Variants in KRT76 observed in about 807,000 individuals in gnomAD.
KRT76 encodes the protein keratin, type II cytoskeletal 2 oral.
Under a neutral mutation model 44.9 loss-of-function variants are expected in KRT76, and 47 were observed. The ratio of observed to expected loss-of-function variants is 1.05; its 90% confidence interval spans 0.83 to 1.33. KRT76 has a LOEUF of 1.33. KRT76 is among the 40% of genes most tolerant of loss of function. KRT76 has a pLI of 0.00. For missense variants in KRT76, 860 were observed against 775.8 expected, an observed-to-expected ratio of 1.11 and a Z score of -1.29; for synonymous variants, 331 against 294.1, an observed-to-expected ratio of 1.13 and a Z score of -1.28.
rs148675815 is a variant in KRT76 at position 52,776,995 on chromosome 12, C to T, written c.297G>A (p.Gly99=). 29 of 1,613,936 alleles carry T rather than the reference C, an allele frequency of 1.8e-5. No individual in the cohort carries two copies. The Middle Eastern group carries it at 6.6e-4, about 37-fold the overall frequency. ...CACCAAAGCCACCACCATAGCTGCCCCCAAAGCCACCTCCATAGCCACCTG... is the reference window on the plus strand; with the variant it reads ...CACCAAAGCCACCACCATAGCTGCCTCCAAAGCCACCTCCATAGCCACCTG... ...GFAGGYGGGF[G]GSYGGGFGGG... Residue 99 remains glycine, a synonymous_variant, in exon 1 of 9, where the codon GGG becomes GGA. Coordinates refer to ENST00000332411, the MANE Select transcript of KRT76 (RefSeq NM_015848.4).
At chr12:52,771,721 TG>T in intron 6 of KRT76, 149 bp downstream of exon 6, 1 of 971,514 alleles carries the variant, frequency 1.0e-6, no homozygotes, top group Non-Finnish European at 1.5e-6. Flanking sequence ...CAAAAACATC[TG>T]GGAGAACAGA....
chr12:52,772,291 C>T (rs757604917), intron 4 of KRT76, 33 bp from the exon 5 acceptor site: 36 of 1,559,754 alleles, frequency 2.3e-5, no homozygotes, highest in Middle Eastern at 1.7e-4. Flanking sequence ...CTCTTACCAT[C>T]GCCTGGACCA....
rs562799093 is a variant in KRT76 at position 52,772,867 on chromosome 12, C to T, written c.888G>A (p.Ala296=). 39 of 1,613,824 alleles carry T rather than the reference C, an allele frequency of 2.4e-5. No homozygotes were observed. The African/African-American group carries it at 2.7e-4, about 11-fold the overall frequency. The part of the protein sequence containing the change: ...EFVGLKKDVD[A]AFMNKVELQA... Reference sequence around the variant, plus strand: ...GCAGCTCCACCTTGTTCATGAAAGCCGCATCCACATCCTGCAGAGGAGGTC... The same window carrying T: ...GCAGCTCCACCTTGTTCATGAAAGCTGCATCCACATCCTGCAGAGGAGGTC... The change falls in exon 4 of 9, where the codon GCG becomes GCA. Residue 296 remains alanine, a synonymous_variant. Coordinates refer to ENST00000332411, the MANE Select transcript of KRT76 (RefSeq NM_015848.4).
In KRT76 at chr12:52,775,617, G is replaced by A. The variant is rs1565673335; in HGVS notation, c.601-15C>T. 1 of 1,608,674 alleles carries A rather than the reference G, an allele frequency of 6.2e-7. No homozygotes were observed. Among genetic ancestry groups the A allele is most frequent in the Admixed American group, 1.7e-5 (1 of 59,844 alleles). On this transcript the variant is annotated splice_polypyrimidine_tract_variant and intron_variant, in intron 1 of 8. Coordinates refer to ENST00000332411, the MANE Select transcript of KRT76 (RefSeq NM_015848.4). ...AGGAACCGCACCTGCATGAAAGAGG[G>A]GAGAAAAGGAGTCAGCCCCTTGAGT...
chr12:52,774,137 T>C (rs1456693429), intron 2 of KRT76, among the ~76,000 whole-genome samples: 1 of 152,234 alleles, frequency 6.6e-6, no homozygotes, highest in African/African-American at 2.4e-5. Context: ...AATAATTTTG[T>C]AACTAGGTTC....
In KRT76 at chr12:52,773,606, C is replaced by T. The variant is rs148390412; in HGVS notation, c.852G>A (p.Glu284=). Residue 284 remains glutamate, a synonymous_variant, in exon 3 of 9, where the codon GAG becomes GAA. Coordinates refer to ENST00000332411, the MANE Select transcript of KRT76 (RefSeq NM_015848.4). ...CCTTCTTGAGCCCCACAAACTCATTCTCTGCGGCAGTGCGTTTGTTGATTT... is the reference window on the plus strand; with the variant it reads ...CCTTCTTGAGCCCCACAAACTCATTTTCTGCGGCAGTGCGTTTGTTGATTT... The part of the protein sequence containing the change: ...EDEINKRTAA[E]NEFVGLKKDV... 2.5e-5 allele frequency: 40 copies of T among 1,613,392 alleles called. No individual in the cohort carries two copies. The highest frequency in any genetic ancestry group is 3.4e-5 in the Non-Finnish European group (40 of 1,179,558).
Position 52,777,259 on chromosome 12 carries a change from A to G in KRT76, c.33T>C (p.Ser11=), listed in dbSNP as rs547942621. 6.2e-6 allele frequency: 10 copies of G among 1,614,226 alleles called. No homozygotes were observed. In the South Asian group the frequency reaches 7.7e-5, roughly 12 times the overall value. The change falls in exon 1 of 9, where the codon AGT becomes AGC. Residue 11 remains serine, a synonymous_variant. Transcript: ENST00000332411. ...GGCCAGAGAAACCCTGGCTCCTGCC[A>G]CTGAAGGATTTCTTGCAAACTTGTC... is the stretch of plus-strand genomic sequence containing the variant. MNRQVCKKSF[S]GRSQGFSGRS...
chr12:52,777,317 G>A lies in KRT76; in HGVS notation c.-26C>T, dbSNP rs760442384. The A allele has an allele frequency of 8.7e-6, 14 of 1,613,064 alleles. No homozygotes were observed. In the South Asian group the frequency reaches 1.5e-4, roughly 18 times the overall value. ...AGTGAGAGAGCTTGGAGGCAAGCTAGTGATCACTTAGCAAGAGCTGAGAGG... is the reference window on the plus strand; with the variant it reads ...AGTGAGAGAGCTTGGAGGCAAGCTAATGATCACTTAGCAAGAGCTGAGAGG... On this transcript the variant is annotated 5_prime_UTR_variant, in exon 1 of 9. Transcript: ENST00000332411.
At chr12:52,772,036 T>C in intron 5 of KRT76, 40 bp from the exon 6 acceptor site, 1 of 1,610,140 alleles carries the variant, frequency 6.2e-7, no homozygotes, top group Non-Finnish European at 8.5e-7. Flanking sequence ...TTTTGCAAAG[T>C]GTTGGCACAT....
Position 52,768,165 on chromosome 12 carries a change from T to A in KRT76, c.*548A>T, listed in dbSNP as rs1384160198. 1 of 153,084 alleles carries A rather than the reference T, an allele frequency of 6.5e-6. No homozygotes were observed. The highest frequency in any genetic ancestry group is 1.5e-5 in the Non-Finnish European group (1 of 68,382). The allele number at this position is 153,084 out of a possible 1,614,324, so 9.5% of individuals were successfully genotyped here. A position where few individuals can be genotyped will look rare whatever the true frequency, so the allele number is the denominator to read the frequency against. On this transcript the variant is annotated 3_prime_UTR_variant, in exon 9 of 9. Coordinates refer to ENST00000332411, the MANE Select transcript of KRT76 (RefSeq NM_015848.4). ...ACCAACACCAGAATGTGAAGTTCAG[T>A]GCAATTTATTGAGAAAAGAAAGTGC...
Position 52,774,693 on chromosome 12 carries a change from C to A in KRT76, c.815+695G>T, listed in dbSNP as rs1001286085. On this transcript the variant is annotated intron_variant, in intron 2 of 8. Coordinates refer to ENST00000332411, the MANE Select transcript of KRT76 (RefSeq NM_015848.4). ...TGAATTCCCAGAGCCCAGCACAGAG[C>A]CTGCCACAGAGTGGGTGCCCACCAC... Among the ~76,000 whole-genome samples, 5 of 152,156 alleles carry A rather than the reference C, an allele frequency of 3.3e-5. No homozygotes were observed. The South Asian group carries it at 1.0e-3, about 32-fold the overall frequency.
chr12:52,777,115 G>A lies in KRT76; in HGVS notation c.177C>T (p.Tyr59=). The A allele has an allele frequency of 6.2e-7, 1 of 1,614,226 alleles. No homozygotes were observed. Among genetic ancestry groups the A allele is most frequent in the Non-Finnish European group, 8.5e-7 (1 of 1,180,050 alleles). Residue 59 remains tyrosine, a synonymous_variant, in exon 1 of 9, where the codon TAC becomes TAT. Coordinates refer to ENST00000332411, the MANE Select transcript of KRT76 (RefSeq NM_015848.4). The part of the protein sequence containing the change: ...GAGSFGSRSL[Y]NLGSNKSISI... ...AGATGCTCTTGTTGCTGCCCAGGTTGTAGAGGCTGCGACTGCCAAAGCTGC... is the reference window on the plus strand; with the variant it reads ...AGATGCTCTTGTTGCTGCCCAGGTTATAGAGGCTGCGACTGCCAAAGCTGC...
chr12:52,773,025 A>G (rs1288978927), intron 3 of KRT76, 147 bp from the exon 4 acceptor site: 4 of 607,076 alleles, frequency 6.6e-6, no homozygotes, highest in Non-Finnish European at 1.2e-5. Context: ...AAAATAAGGA[A>G]GATCAAAATG....
chr12:52,774,507 T>A (rs941031296), intron 2 of KRT76, among the ~76,000 whole-genome samples: 2 of 152,246 alleles, frequency 1.3e-5, no homozygotes, highest in African/African-American at 4.8e-5. Flanking sequence ...TTCCTGCCTG[T>A]TAAGGACTAA....
At position 52,772,868 on chromosome 12, in the gene KRT76, G is replaced by T. The variant is rs771208701; in HGVS notation, c.887C>A (p.Ala296Glu). 3 of 1,613,534 alleles carry T rather than the reference G, an allele frequency of 1.9e-6. No homozygotes were observed. The highest frequency in any genetic ancestry group is 1.1e-5 in the South Asian group (1 of 91,064). ...EFVGLKKDVD[A>E]AFMNKVELQA... ...CAGCTCCACCTTGTTCATGAAAGCC[G>T]CATCCACATCCTGCAGAGGAGGTCA... Residue 296 changes from alanine to glutamate, a missense_variant, in exon 4 of 9, where the codon GCG (alanine) becomes GAG (glutamate). Transcript: ENST00000332411.
At position 52,772,223 on chromosome 12, in the gene KRT76, C is replaced by T. The variant is rs745778936; in HGVS notation, c.1008G>A (p.Thr336=). 24 of 1,609,192 alleles carry T rather than the reference C, an allele frequency of 1.5e-5. No individual in the cohort carries two copies. Among genetic ancestry groups the T allele is most frequent in the South Asian group, 1.1e-4 (10 of 89,954 alleles). ...LSQMQSHASD[T]SVVLSMDNNR... ...TGTTGTCCATGGACAGAACCACAGA[C>T]GTGTCACTGGCATGGCTTTGCATCT... Residue 336 remains threonine, a synonymous_variant, in exon 5 of 9, where the codon ACG becomes ACA. Transcript: ENST00000332411.
In KRT76 at chr12:52,776,747, T is replaced by C; in HGVS notation, c.545A>G (p.Gln182Arg). 6.2e-7 allele frequency: 1 copy of C among 1,614,196 alleles called. No homozygotes were observed. ...GAGGGTCTTGATCTGTTCCCGCTCC[T>C]GGGCCTTTACTTGCCCAATCTGGGG... is the stretch of plus-strand genomic sequence containing the variant. ...IDPQIGQVKA[Q>R]EREQIKTLNN... is the part of the protein sequence containing the mutation. The change falls in exon 1 of 9, where the codon CAG becomes CGG. Residue 182 changes from glutamine to arginine, a missense_variant. Physicochemically the swap from Gln to Arg is conservative, Grantham distance 43. Transcript: ENST00000332411.
intron 7 of KRT76, among the ~76,000 whole-genome samples, chr12:52,770,063 A>T (rs1013854816): frequency 1.3e-5 from 2 of 152,178 alleles, no homozygotes; most frequent in African/African-American, 4.8e-5. Flanking sequence ...TCAATGCAGG[A>T]TGGATTTGAA....
chr12:52,768,951 C>A lies in KRT76; in HGVS notation c.1679G>T (p.Gly560Val). ...CCCAGTGCTGCCACTGCTGACCCCT[C>A]CATAGCCACTGCCGCTGCCGCCACT... ...GVSGGSGSGY[G>V]GVSSGSTGGR... Residue 560 changes from glycine (G) to valine (V), a missense_variant, in exon 9 of 9, where the codon GGA (glycine) becomes GTA (valine). Coordinates refer to ENST00000332411, the MANE Select transcript of KRT76 (RefSeq NM_015848.4). 2 of 1,404,344 alleles carry A rather than the reference C, an allele frequency of 1.4e-6. No homozygotes were observed. The highest frequency in any genetic ancestry group is 2.0e-6 in the Non-Finnish European group (2 of 1,000,840). 87.0% of individuals were successfully genotyped at this position (1,404,344 alleles called of 1,614,324 possible). A position where few individuals can be genotyped will look rare whatever the true frequency, so the allele number is the denominator to read the frequency against.
Sources: gnomAD v4.1 joint callset for allele counts (sites outside exome capture counted in the v4.1 genomes callset) on GRCh38, gnomAD v4.1.1 for gene constraint, MANE v1.5 for transcripts, NCBI Gene and HGNC (gene_info 2026-07-23, HGNC 2026-07-21) for gene names.